SCUBE1: variants seen among roughly 807,000 people sequenced by gnomAD.
SCUBE1 encodes signal peptide, CUB and EGF-like domain-containing protein 1.
In SCUBE1, 59 loss-of-function variants were observed where a neutral mutation model predicts 124.4. The observed-to-expected ratio is 0.47, with a 90% confidence interval of 0.38 to 0.59. The LOEUF (loss-of-function observed/expected upper bound fraction) is 0.59. Among genes scored for constraint, SCUBE1 ranks in the 20% least tolerant of loss-of-function variants. SCUBE1 has a pLI of 0.00. For missense variants in SCUBE1, 1,150 were observed against 1,371.2 expected, an observed-to-expected ratio of 0.84 and a Z score of 2.55; for synonymous variants, 545 against 550.9, an observed-to-expected ratio of 0.99 and a Z score of 0.15.
intron 4 of SCUBE1, among the ~76,000 whole-genome samples, chr22:43,290,327 C>T (rs1926239176): frequency 6.6e-6 from 1 of 152,220 alleles, no homozygotes; most frequent in Admixed American, 6.5e-5. Flanking sequence ...TGGCTCTCTC[C>T]TCCAAGCACA....
At chr22:43,342,735 T>A (rs1168572611) in intron 1 of SCUBE1, among the ~76,000 whole-genome samples, 2 of 151,412 alleles carry the variant, frequency 1.3e-5, no homozygotes, top group African/African-American at 4.9e-5. Context: ...GTCCCGCACC[T>A]CCCGCCCCGT....
intron 4 of SCUBE1, among the ~76,000 whole-genome samples, chr22:43,270,933 CT>C (rs2146721761): frequency 6.6e-6 from 1 of 152,336 alleles, no homozygotes; most frequent in African/African-American, 2.4e-5. Flanking sequence ...TCCCTGACCC[CT>C]GCCACCTGCC....
rs1364073923 is a variant in SCUBE1 at position 43,199,381 on chromosome 22, A to G, written c.*4616T>C. The G allele has an allele frequency of 2.6e-5, 4 of 151,738 alleles. 2 individuals carry two copies. The highest frequency in any genetic ancestry group is 2.9e-5 in the Non-Finnish European group (2 of 68,332). 9.4% of individuals were successfully genotyped at this position (151,738 alleles called of 1,614,324 possible). A position where few individuals can be genotyped will look rare whatever the true frequency, so the allele number is the denominator to read the frequency against. On this transcript the variant is annotated 3_prime_UTR_variant, in exon 22 of 22. Coordinates refer to ENST00000360835, the MANE Select transcript of SCUBE1 (RefSeq NM_173050.5). ...GCGGATGGTGCGTCTCTTAAGAACG[A>G]GCGTGCATGAAAAGGGGGGCCATTC...
intron 4 of SCUBE1, among the ~76,000 whole-genome samples, chr22:43,288,228 A>G (rs1925221738): frequency 6.6e-6 from 1 of 152,168 alleles, no homozygotes. Flanking sequence ...TGGCTTCCTG[A>G]AAAATCAGGA....
At chr22:43,317,421 C>A (rs539451657) in intron 3 of SCUBE1, among the ~76,000 whole-genome samples, 2 of 152,250 alleles carry the variant, frequency 1.3e-5, no homozygotes, top group East Asian at 3.9e-4. Context: ...GCTGAGAGTC[C>A]CCTGTGCCGA....
At chr22:43,335,856 GTGATGATGGTGA>G (rs1927055801) in intron 2 of SCUBE1, among the ~76,000 whole-genome samples, 2 of 141,710 alleles carry the variant, frequency 1.4e-5, no homozygotes, top group African/African-American at 5.3e-5. Context: ...GATGATGGTG[GTGATGATGGTGA>G]TGGTGATGAT....
At chr22:43,300,279 A>T in intron 3 of SCUBE1, among the ~76,000 whole-genome samples, 1 of 140,246 alleles carries the variant, frequency 7.1e-6, no homozygotes, top group Non-Finnish European at 1.5e-5. Context: ...CCTCGCCAAC[A>T]CTTGTTCCTT....
At chr22:43,212,083 G>A (rs1428566292) in intron 17 of SCUBE1, among the ~76,000 whole-genome samples, 2 of 151,862 alleles carry the variant, frequency 1.3e-5, no homozygotes, top group Non-Finnish European at 2.9e-5. Context: ...CCCTGATCCC[G>A]CTCCTGCCCC....
chr22:43,287,773 T>C (rs1291966218), intron 4 of SCUBE1, among the ~76,000 whole-genome samples: 1 of 152,254 alleles, frequency 6.6e-6, no homozygotes, highest in African/African-American at 2.4e-5. Flanking sequence ...AGAGGTCACT[T>C]GTCTGCAAAA....
chr22:43,262,970 TGCACACACACGCACTTGC>T (rs1054880662), intron 4 of SCUBE1, 125 bp from the exon 5 acceptor site: 4 of 1,011,306 alleles, frequency 4.0e-6, no homozygotes, highest in Non-Finnish European at 5.9e-6. Context: ...GCATGTATCA[TGCACACACACGCACTTGC>T]GCACACACAC....
chr22:43,329,159 A>G (rs1481235163), intron 2 of SCUBE1, among the ~76,000 whole-genome samples: 1 of 152,212 alleles, frequency 6.6e-6, no homozygotes, highest in Non-Finnish European at 1.5e-5. Flanking sequence ...CCTGGCCACA[A>G]GGGGCTGCCA....
chr22:43,244,286 C>T (rs1014323641), intron 6 of SCUBE1, among the ~76,000 whole-genome samples: 2 of 152,228 alleles, frequency 1.3e-5, no homozygotes, highest in African/African-American at 2.4e-5. Context: ...AAAGCTGTCC[C>T]GAGCCTTACC....
At chr22:43,298,712 A>G (rs540588296) in intron 3 of SCUBE1, among the ~76,000 whole-genome samples, 41 of 151,580 alleles carry the variant, frequency 2.7e-4, no homozygotes, top group Admixed American at 9.2e-4. Flanking sequence ...ACCACTGCCC[A>G]TGGGACCTGG....
At chr22:43,309,302 A>G (rs922024990) in intron 3 of SCUBE1, among the ~76,000 whole-genome samples, 7 of 152,204 alleles carry the variant, frequency 4.6e-5, no homozygotes, top group African/African-American at 1.4e-4. Context: ...CTGTCAAATA[A>G]GCACTGTTAC....
At position 43,212,620 on chromosome 22, in the gene SCUBE1, G is replaced by A. The variant is rs115196083; in HGVS notation, c.2054-28C>T. The A allele has an allele frequency of 6.0e-3, 9,245 of 1,550,916 alleles. 251 individuals carry two copies. The African/African-American group carries it at 0.074, about 12-fold the overall frequency. ...GAAAGTCAGAGGTCATGGCTCAGGC[G>A]GGCAGGAGGGCACCGCAGGGCCGAG... On this transcript the variant is annotated intron_variant, in intron 16 of 21. Coordinates refer to ENST00000360835, the MANE Select transcript of SCUBE1 (RefSeq NM_173050.5).
intron 2 of SCUBE1, among the ~76,000 whole-genome samples, chr22:43,333,284 G>C (rs1926960497): frequency 1.3e-5 from 2 of 152,210 alleles, no homozygotes; most frequent in African/African-American, 4.8e-5. Context: ...CCGGCTGTCT[G>C]AGGCACTCAC....
At chr22:43,252,865 G>A (rs1234083156) in intron 6 of SCUBE1, among the ~76,000 whole-genome samples, 2 of 151,894 alleles carry the variant, frequency 1.3e-5, no homozygotes, top group African/African-American at 2.4e-5. Flanking sequence ...CAACGTGGGG[G>A]CAGGATGGGA....
In SCUBE1 at chr22:43,343,164, G is replaced by A. The variant is rs1444420848; in HGVS notation, c.88+10C>T. ...GCGCCCGCCGCCCCCCACCTCGGTCGGGGGCTTACCTGGGAGCCCGCTGCC... is the reference window on the plus strand; with the variant it reads ...GCGCCCGCCGCCCCCCACCTCGGTCAGGGGCTTACCTGGGAGCCCGCTGCC... On this transcript the variant is annotated intron_variant, in intron 1 of 21. Coordinates refer to ENST00000360835, the MANE Select transcript of SCUBE1 (RefSeq NM_173050.5). 1.7e-6 allele frequency: 2 copies of A among 1,157,688 alleles called. No individual in the cohort carries two copies. Among genetic ancestry groups the A allele is most frequent in the Admixed American group, 4.8e-5 (1 of 21,004 alleles). The allele number at this position is 1,157,688 out of a possible 1,614,324, so 71.7% of individuals were successfully genotyped here.
intron 4 of SCUBE1, among the ~76,000 whole-genome samples, chr22:43,271,452 C>T (rs17003586): frequency 2.6e-5 from 4 of 152,150 alleles, no homozygotes; most frequent in South Asian, 2.1e-4. Context: ...TGGACTGTGT[C>T]GGAACAGGGG....
Sources: allele counts gnomAD v4.1 joint callset (sites outside exome capture counted in the v4.1 genomes callset), GRCh38; gene constraint gnomAD v4.1.1; transcripts MANE v1.5; gene names NCBI Gene and HGNC (gene_info 2026-07-23, HGNC 2026-07-21).